Variants in SYNPR observed in about 807,000 individuals in gnomAD.
SYNPR encodes synaptoporin.
In SYNPR, 23 loss-of-function variants were observed where a neutral mutation model predicts 32.9. That is an observed-to-expected ratio of 0.70 (90% CI 0.50 to 0.99). The LOEUF (loss-of-function observed/expected upper bound fraction) is 0.99. Ranked by LOEUF, SYNPR falls within the 50% of genes least tolerant of loss-of-function variation. SYNPR has a pLI of 0.00. For missense variants in SYNPR, 318 were observed against 349.3 expected, an observed-to-expected ratio of 0.91 and a Z score of 0.71; for synonymous variants, 146 against 135.9, an observed-to-expected ratio of 1.07 and a Z score of -0.52.
intron 2 of SYNPR, among the ~76,000 whole-genome samples, chr3:63,376,748 C>T (rs2087900592): frequency 6.6e-6 from 1 of 152,062 alleles, no homozygotes; most frequent in African/African-American, 2.4e-5. Context: ...TATTGATTGT[C>T]TCATCTGGAG....
chr3:63,499,023 A>ATAAT (rs1701429511), intron 3 of SYNPR, among the ~76,000 whole-genome samples: 1 of 151,818 alleles, frequency 6.6e-6, no homozygotes, highest in Non-Finnish European at 1.5e-5. Context: ...ACATATTTTA[A>ATAAT]TAATTATTTT....
chr3:63,230,298 TC>T lies in SYNPR; in HGVS notation n.66+1919del, dbSNP rs2086157249. On this transcript the variant is annotated intron_variant and non_coding_transcript_variant, in intron 1 of 4. Transcript: ENST00000478456. Reference sequence around the variant, plus strand: ...TCCTTTTTAGATATTTGCTATTTATTCTTTCTGTTTACAGAGATTCTGAAGG... The same window carrying T: ...TCCTTTTTAGATATTTGCTATTTATTTTTCTGTTTACAGAGATTCTGAAGG... 2.0e-5 allele frequency among the ~76,000 whole-genome samples: 3 copies of T among 152,314 alleles called. No individual in the cohort carries two copies. In the South Asian group the frequency reaches 6.2e-4, roughly 32 times the overall value.
chr3:63,582,300 A>G (rs755345011), intron 4 of SYNPR, among the ~76,000 whole-genome samples: 7 of 152,062 alleles, frequency 4.6e-5, no homozygotes, highest in Non-Finnish European at 8.8e-5. Context: ...ATGAGTAAGA[A>G]TATCTTATGA....
In SYNPR at chr3:63,239,201, A is replaced by G. The variant is rs75283634; in HGVS notation, n.66+10821A>G. On this transcript the variant is annotated intron_variant and non_coding_transcript_variant, in intron 1 of 4. Transcript: ENST00000478456. ...ACATTTTCATCTAACACTCTGGCAC[A>G]GTTTCTTCAAAATTTACATTTCTTG... 2.5e-4 allele frequency among the ~76,000 whole-genome samples: 38 copies of G among 151,626 alleles called. No homozygotes were observed. In the East Asian group the frequency reaches 6.7e-3, roughly 27 times the overall value.
intron 2 of SYNPR, among the ~76,000 whole-genome samples, chr3:63,336,388 C>T (rs942294939): frequency 2.0e-5 from 3 of 151,532 alleles, no homozygotes; most frequent in African/African-American, 7.3e-5. Flanking sequence ...CAATGATGAA[C>T]TTTGTAGTTA....
chr3:63,610,222 T>C (rs568215444), intron 5 of SYNPR, among the ~76,000 whole-genome samples: 72 of 152,318 alleles, frequency 4.7e-4, no homozygotes, highest in African/African-American at 1.6e-3. Context: ...TCAAGAGTTA[T>C]GGCTCTTACA....
intron 2 of SYNPR, among the ~76,000 whole-genome samples, chr3:63,390,112 C>T (rs747761270): frequency 1.3e-5 from 2 of 152,310 alleles, no homozygotes; most frequent in East Asian, 3.9e-4. Context: ...GAGAAAACCA[C>T]GTGAAATCTC....
chr3:63,567,633 C>T (rs972676676), intron 4 of SYNPR, among the ~76,000 whole-genome samples: 1 of 152,170 alleles, frequency 6.6e-6, no homozygotes, highest in African/African-American at 2.4e-5. Flanking sequence ...GCCCTTTCCG[C>T]AGGGGGACAT....
chr3:63,429,850 T>A (rs1167926554), intron 2 of SYNPR, among the ~76,000 whole-genome samples: 1 of 152,228 alleles, frequency 6.6e-6, no homozygotes, highest in Non-Finnish European at 1.5e-5. Context: ...GGGCTCTAAG[T>A]GTGCCTTCTT....
chr3:63,274,451 C>A (rs1575582781), upstream of SYNPR, among the ~76,000 whole-genome samples: 1 of 152,066 alleles, frequency 6.6e-6, no homozygotes, highest in East Asian at 1.9e-4. Flanking sequence ...AATGCAAGTT[C>A]TTCTATTGCA....
At chr3:63,510,944 T>TTG (rs959781311) in intron 3 of SYNPR, among the ~76,000 whole-genome samples, 4 of 147,116 alleles carry the variant, frequency 2.7e-5, no homozygotes, top group African/African-American at 9.9e-5. Flanking sequence ...TGCGCGCACG[T>TTG]TGTGTGTGTG....
chr3:63,350,897 G>A (rs544569826), intron 2 of SYNPR, among the ~76,000 whole-genome samples: 3 of 152,146 alleles, frequency 2.0e-5, no homozygotes, highest in Admixed American at 1.3e-4. Flanking sequence ...CTCTGTTCAA[G>A]GTGCAGCTCC....
At chr3:63,479,543 A>G (rs901897051) in intron 2 of SYNPR, among the ~76,000 whole-genome samples, 3 of 152,072 alleles carry the variant, frequency 2.0e-5, no homozygotes, top group Admixed American at 6.5e-5. Context: ...GTCTTTTTCT[A>G]TTAAAGATAA....
At chr3:63,454,073 A>G (rs192278529) in intron 2 of SYNPR, among the ~76,000 whole-genome samples, 139 of 152,288 alleles carry the variant, frequency 9.1e-4, no homozygotes, top group Non-Finnish European at 1.7e-3. Flanking sequence ...GTTTATTAAT[A>G]GTCTACTAAG....
the SYNPR span, among the ~76,000 whole-genome samples, chr3:63,208,426 G>A: frequency 6.6e-6 from 1 of 152,166 alleles, no homozygotes; most frequent in Non-Finnish European, 1.5e-5. Context: ...TTCTCACTCT[G>A]GGGCACATAT....
chr3:63,327,879 A>T (rs970438654), intron 2 of SYNPR, among the ~76,000 whole-genome samples: 1 of 152,074 alleles, frequency 6.6e-6, no homozygotes. Flanking sequence ...AAATTCATTG[A>T]GCTGTTTTAC....
chr3:63,372,567 G>C (rs1004041719), intron 2 of SYNPR, among the ~76,000 whole-genome samples: 1 of 152,120 alleles, frequency 6.6e-6, no homozygotes, highest in Admixed American at 6.5e-5. Context: ...CTGGTCACAA[G>C]GCACAGCTGC....
Position 63,609,220 on chromosome 3 carries a change from C to A in SYNPR, c.504C>A (p.Pro168=). The A allele has an allele frequency of 6.2e-7, 1 of 1,609,474 alleles. No individual in the cohort carries two copies. The highest frequency in any genetic ancestry group is 2.2e-5 in the East Asian group (1 of 44,780). The part of the protein sequence containing the change: ...GLSDVKVATD[P]KEVLLLMSAC... ...CTGACGTCAAAGTTGCAACGGATCC[C>A]AAGGAAGTATTGCTACTAATGTCAG... Residue 168 remains proline, a synonymous_variant, in exon 5 of 6, where the codon CCC becomes CCA. Coordinates refer to ENST00000478300, the MANE Select transcript of SYNPR (RefSeq NM_001130003.2).
At position 63,480,188 on chromosome 3, in the gene SYNPR, C is replaced by G. The variant is rs565745349; in HGVS notation, c.85-644C>G. Among the ~76,000 whole-genome samples, 3 of 152,260 alleles carry G rather than the reference C, an allele frequency of 2.0e-5. No individual in the cohort carries two copies. In the East Asian group the frequency reaches 5.8e-4, roughly 29 times the overall value. Reference sequence around the variant, plus strand: ...ATTCACATTCTACACCAGGATAGACCATGACATTAACTGTTGAAACTTTTA... The same window carrying G: ...ATTCACATTCTACACCAGGATAGACGATGACATTAACTGTTGAAACTTTTA... On this transcript the variant is annotated intron_variant, in intron 2 of 5. Coordinates refer to ENST00000478300, the MANE Select transcript of SYNPR (RefSeq NM_001130003.2).
Sources: allele counts gnomAD v4.1 joint callset (sites outside exome capture counted in the v4.1 genomes callset), GRCh38; gene constraint gnomAD v4.1.1; transcripts MANE v1.5; gene names NCBI Gene and HGNC (gene_info 2026-07-23, HGNC 2026-07-21).